AOPEP: variants seen among roughly 807,000 people sequenced by gnomAD.
AOPEP encodes aminopeptidase O.
Under a neutral mutation model 98.1 loss-of-function variants are expected in AOPEP, and 77 were observed. The ratio of observed to expected loss-of-function variants is 0.78; its 90% CI spans 0.65 to 0.95. AOPEP has a LOEUF of 0.95. Ranked by LOEUF, AOPEP falls within the 40% of genes least tolerant of loss-of-function variation. AOPEP has a pLI of 0.00. For synonymous variants in AOPEP, 346 were observed against 365.3 expected (o/e 0.95, Z 0.60); for missense variants, 1,024 against 1,024.7 (o/e 1.00, Z 0.01).
chr9:95,149,886 A>G, the AOPEP span: 1 of 1,565,054 alleles, frequency 6.4e-7, no homozygotes, highest in Middle Eastern at 2.1e-4. Flanking sequence ...AGAAAAGGAA[A>G]AACGACGCAG....
chr9:94,975,772 G>A (rs1046794946), intron 10 of AOPEP, among the ~76,000 whole-genome samples: 34 of 152,260 alleles, frequency 2.2e-4, no homozygotes, highest in Non-Finnish European at 3.7e-4. Context: ...GTTCTCTGCC[G>A]TGTCCCTCTG....
chr9:94,816,211 T>G (rs947074135), intron 5 of AOPEP, among the ~76,000 whole-genome samples: 1 of 152,240 alleles, frequency 6.6e-6, no homozygotes. Context: ...TAGTTCCAGT[T>G]GGGGTCATTG....
intron 5 of AOPEP, among the ~76,000 whole-genome samples, chr9:94,918,634 CTG>C (rs1266138491): frequency 6.6e-6 from 1 of 152,204 alleles, no homozygotes; most frequent in Non-Finnish European, 1.5e-5. Context: ...GTCTGCCTCT[CTG>C]TACCCACTTT....
At chr9:95,007,119 C>G (rs1457424661) in intron 13 of AOPEP, among the ~76,000 whole-genome samples, 1 of 152,064 alleles carries the variant, frequency 6.6e-6, no homozygotes, top group Non-Finnish European at 1.5e-5. Context: ...CCAGGATGGT[C>G]TCGATCTCCT....
At chr9:94,957,018 T>A (rs974368243) in intron 9 of AOPEP, among the ~76,000 whole-genome samples, 1 of 152,182 alleles carries the variant, frequency 6.6e-6, no homozygotes, top group Non-Finnish European at 1.5e-5. Flanking sequence ...GGTTCAGAAG[T>A]CTTACATGCT....
downstream of AOPEP, among the ~76,000 whole-genome samples, chr9:95,088,905 G>A (rs1771378337): frequency 6.6e-6 from 1 of 152,248 alleles, no homozygotes. Flanking sequence ...GGACATTGCT[G>A]TCACGGATTT....
the AOPEP span, among the ~76,000 whole-genome samples, chr9:95,146,749 G>A: frequency 6.6e-6 from 1 of 151,890 alleles, no homozygotes; most frequent in African/African-American, 2.4e-5. Context: ...GTAACTTGGA[G>A]TCATGACTAC....
At chr9:94,837,036 G>A (rs2134654215) in intron 5 of AOPEP, among the ~76,000 whole-genome samples, 1 of 152,190 alleles carries the variant, frequency 6.6e-6, no homozygotes, top group Admixed American at 6.5e-5. Flanking sequence ...AAAGAAGAGA[G>A]AAGATCCAAA....
At chr9:95,068,023 CT>C (rs1564597881) in intron 14 of AOPEP, among the ~76,000 whole-genome samples, 1 of 152,126 alleles carries the variant, frequency 6.6e-6, no homozygotes, top group Non-Finnish European at 1.5e-5. Flanking sequence ...TACTTCATTC[CT>C]TTTTATTGCC....
intron 7 of AOPEP, among the ~76,000 whole-genome samples, chr9:94,938,152 C>A (rs967063202): frequency 2.0e-5 from 3 of 152,314 alleles, no homozygotes; most frequent in African/African-American, 7.2e-5. Flanking sequence ...GGATTACAGG[C>A]GTGAGCGACC....
intron 7 of AOPEP, among the ~76,000 whole-genome samples, chr9:94,944,706 T>C (rs2057423613): frequency 1.3e-5 from 2 of 152,070 alleles, no homozygotes; most frequent in South Asian, 4.2e-4. Flanking sequence ...AGAAGTAGAT[T>C]AATGGTCAGG....
chr9:95,115,404 T>TAAC, the AOPEP span, among the ~76,000 whole-genome samples: 1 of 152,176 alleles, frequency 6.6e-6, no homozygotes, highest in Non-Finnish European at 1.5e-5. Flanking sequence ...ACGGAGACTG[T>TAAC]AGTAAAGCAG....
At chr9:95,126,302 G>A in the AOPEP span, among the ~76,000 whole-genome samples, 1 of 152,104 alleles carries the variant, frequency 6.6e-6, no homozygotes, top group Non-Finnish European at 1.5e-5. Flanking sequence ...AATCTTAAAA[G>A]GCTAAAGAAA....
At chr9:95,089,308 G>A (rs143994187), downstream of AOPEP, among the ~76,000 whole-genome samples, 86 of 152,354 alleles carry the variant, frequency 5.6e-4, no homozygotes, top group East Asian at 8.7e-3. Context: ...ATCAAAGGGC[G>A]TGTGACAACT....
chr9:94,743,284 A>G (rs539840027), intron 1 of AOPEP, among the ~76,000 whole-genome samples: 1 of 151,814 alleles, frequency 6.6e-6, no homozygotes, highest in South Asian at 2.1e-4. Flanking sequence ...GATGTGGATG[A>G]TACTGTGTCC....
chr9:95,017,222 G>A (rs960472797), intron 13 of AOPEP, among the ~76,000 whole-genome samples: 2 of 151,836 alleles, frequency 1.3e-5, no homozygotes, highest in African/African-American at 4.8e-5. Context: ...TTAGTTTTCA[G>A]TGTCAAAGCT....
chr9:94,730,534 C>T (rs1423462976), intron 1 of AOPEP, among the ~76,000 whole-genome samples: 1 of 152,070 alleles, frequency 6.6e-6, no homozygotes, highest in African/African-American at 2.4e-5. Flanking sequence ...TTTCTTGACT[C>T]ATAAAGCGTG....
intron 9 of AOPEP, among the ~76,000 whole-genome samples, chr9:94,957,041 T>G (rs1656880071): frequency 6.6e-6 from 1 of 152,202 alleles, no homozygotes; most frequent in Non-Finnish European, 1.5e-5. Context: ...GTTGACTGAT[T>G]AGTACAAATT....
chr9:95,005,069 C>G (rs2061879223), intron 11 of AOPEP, 89 bp from the exon 12 acceptor site: 1 of 574,870 alleles, frequency 1.7e-6, no homozygotes, highest in Non-Finnish European at 2.2e-6. Context: ...GGGCGAGGTA[C>G]GGGGCGGGCA....
Sources: allele counts gnomAD v4.1 joint callset (sites outside exome capture counted in the v4.1 genomes callset), GRCh38; gene constraint gnomAD v4.1.1; transcripts MANE v1.5; gene names NCBI Gene and HGNC (gene_info 2026-07-23, HGNC 2026-07-21).